The following SPOCK1 variants were observed in gnomAD, a reference collection of about 807,000 sequenced individuals.
The protein encoded by SPOCK1 is testican-1.
In SPOCK1, 23 loss-of-function variants were observed where a neutral mutation model predicts 55.3. The ratio of observed to expected loss-of-function variants is 0.42; its 90% confidence interval spans 0.30 to 0.59. The LOEUF (loss-of-function observed/expected upper bound fraction) is 0.59, where lower values mean the gene tolerates loss of function less well. SPOCK1 is among the 20% of genes least tolerant of loss of function. SPOCK1 has a pLI of 0.22. For synonymous variants in SPOCK1, 226 were observed against 221.0 expected (o/e 1.02, Z -0.20); for missense variants, 499 against 552.5 (o/e 0.90, Z 0.97).
intron 5 of SPOCK1, among the ~76,000 whole-genome samples, chr5:137,099,793 C>G (rs533115790): frequency 1.4e-3 from 213 of 152,198 alleles, no homozygotes; most frequent in Non-Finnish European, 2.6e-3. Flanking sequence ...ATCCAGTCAA[C>G]GGAAAGGAGC....
rs1178977471 is a variant in SPOCK1, at chr5:137,498,359, G to T, written c.186+14C>A. The T allele has an allele frequency of 2.5e-6, 4 of 1,572,650 alleles. No individual in the cohort carries two copies. The highest frequency in any genetic ancestry group is 3.4e-6 in the Non-Finnish European group (4 of 1,160,168). ...GCTCCGCGCCCCCCAGGGCCGGGTGGCGCCGGTACTCACGTCTCGAAAGCG... is the reference window on the plus strand; with the variant it reads ...GCTCCGCGCCCCCCAGGGCCGGGTGTCGCCGGTACTCACGTCTCGAAAGCG... On this transcript the variant is annotated intron_variant, in intron 2 of 10. Transcript: ENST00000394945.
chr5:137,351,093 C>G (rs563560730), intron 2 of SPOCK1, among the ~76,000 whole-genome samples: 168 of 152,238 alleles, frequency 1.1e-3, no homozygotes, highest in African/African-American at 3.6e-3. Flanking sequence ...CAATCCTGAC[C>G]CACCAAGGAC....
chr5:137,143,096 G>T (rs1214730247), intron 3 of SPOCK1, among the ~76,000 whole-genome samples: 2 of 152,122 alleles, frequency 1.3e-5, no homozygotes, highest in East Asian at 3.9e-4. Flanking sequence ...GACATTTATA[G>T]ATCTCAAGAA....
intron 3 of SPOCK1, among the ~76,000 whole-genome samples, chr5:137,199,675 T>C (rs1755377380): frequency 6.6e-6 from 1 of 152,172 alleles, no homozygotes; most frequent in Admixed American, 6.5e-5. Context: ...TCTTCTCATT[T>C]TTCCAACTTC....
intron 6 of SPOCK1, among the ~76,000 whole-genome samples, chr5:137,010,186 T>C (rs1751325102): frequency 6.6e-6 from 1 of 152,192 alleles, no homozygotes; most frequent in Non-Finnish European, 1.5e-5. Context: ...ACATCTATAC[T>C]CGCCCGAGTT....
intron 6 of SPOCK1, among the ~76,000 whole-genome samples, chr5:136,998,761 C>A (rs899340100): frequency 2.0e-5 from 3 of 152,214 alleles, no homozygotes; most frequent in Non-Finnish European, 2.9e-5. Flanking sequence ...GAACAGCCTG[C>A]TGCCTGTGTC....
chr5:137,172,816 T>TA (rs1754779018), intron 3 of SPOCK1, among the ~76,000 whole-genome samples: 1 of 152,118 alleles, frequency 6.6e-6, no homozygotes. Flanking sequence ...CTGAGTGCCA[T>TA]ACTTGGGGGT....
chr5:137,192,952 G>A (rs780949059), intron 3 of SPOCK1, among the ~76,000 whole-genome samples: 5 of 152,188 alleles, frequency 3.3e-5, no homozygotes, highest in African/African-American at 4.8e-5. Context: ...AGGAGAGAAC[G>A]AGATCTGGGA....
At chr5:137,135,864 C>T (rs1262289753) in intron 4 of SPOCK1, among the ~76,000 whole-genome samples, 1 of 152,172 alleles carries the variant, frequency 6.6e-6, no homozygotes, top group Non-Finnish European at 1.5e-5. Context: ...ATGAGATAGA[C>T]CACAATCTGT....
Position 137,140,613 on chromosome 5 carries a change from G to A in SPOCK1, c.314C>T (p.Ala105Val). The A allele has an allele frequency of 6.2e-7, 1 of 1,613,954 alleles. No individual in the cohort carries two copies. Among genetic ancestry groups the A allele is most frequent in the Non-Finnish European group, 8.5e-7 (1 of 1,179,962 alleles). ...CAGGTGCTTGCGGCTGACACACAGG[G>A]CGGTCTGGTAGTCCTGGGTCACACA... is the stretch of plus-strand genomic sequence containing the variant. ...KVCVTQDYQT[A>V]LCVSRKHLLP... The change falls in exon 4 of 11, where the codon GCC becomes GTC. Residue 105 changes from alanine to valine, a missense_variant. Physicochemically the swap from Ala to Val is moderately conservative, Grantham distance 64. This residue lies in a region of SPOCK1 where 386 missense variants were observed against 400.6 expected (regional missense o/e 0.96). Coordinates refer to ENST00000394945, the MANE Select transcript of SPOCK1 (RefSeq NM_004598.4).
intron 2 of SPOCK1, among the ~76,000 whole-genome samples, chr5:137,480,885 AG>A (rs1753937299): frequency 6.6e-6 from 1 of 152,190 alleles, no homozygotes; most frequent in Non-Finnish European, 1.5e-5. Context: ...CAAAAGAATG[AG>A]GAGAGGGAAG....
chr5:137,037,718 A>T (rs530541392), intron 6 of SPOCK1, among the ~76,000 whole-genome samples: 2 of 152,172 alleles, frequency 1.3e-5, no homozygotes, highest in East Asian at 1.9e-4. Context: ...CCTAAAAAAA[A>T]GTTTCCTGAT....
rs373984584 is a variant in SPOCK1 at position 137,296,977 on chromosome 5, GGACA to G, written c.187-29926_187-29923del. ...TTTTAGCTGGAGTGCACCTCAAGAA[GGACA>G]GACAAGAGTATCTATGTGTGTATAT... On this transcript the variant is annotated intron_variant, in intron 2 of 10. Coordinates refer to ENST00000394945, the MANE Select transcript of SPOCK1 (RefSeq NM_004598.4). Among the ~76,000 whole-genome samples the G allele has an allele frequency of 4.6e-5, 7 of 152,158 alleles. No homozygotes were observed. In the East Asian group the frequency reaches 9.7e-4, roughly 21 times the overall value.
chr5:137,496,657 A>G lies in SPOCK1; in HGVS notation c.186+1716T>C, dbSNP rs186070515. Among the ~76,000 whole-genome samples the G allele has an allele frequency of 4.3e-3, 658 of 152,240 alleles. 5 individuals carry two copies. Among genetic ancestry groups the G allele is most frequent in the Admixed American group, 6.0e-3 (91 of 15,290 alleles). ...AAAAACAAAACAAAACAAAAAGCAAAATTATCTCTGCCCCAGGTGAATCCT... is the reference window on the plus strand; with the variant it reads ...AAAAACAAAACAAAACAAAAAGCAAGATTATCTCTGCCCCAGGTGAATCCT... On this transcript the variant is annotated intron_variant, in intron 2 of 10. Transcript: ENST00000394945.
At chr5:137,495,719 T>C (rs946408405) in intron 2 of SPOCK1, among the ~76,000 whole-genome samples, 1 of 152,232 alleles carries the variant, frequency 6.6e-6, no homozygotes, top group Non-Finnish European at 1.5e-5. Context: ...CACTGAATAG[T>C]AGGTTTCTGT....
intron 3 of SPOCK1, among the ~76,000 whole-genome samples, chr5:137,259,007 T>C (rs560090634): frequency 1.6e-4 from 25 of 152,108 alleles, no homozygotes; most frequent in Non-Finnish European, 3.4e-4. Context: ...ACACAGTTCC[T>C]GACAGAACTG....
intron 2 of SPOCK1, among the ~76,000 whole-genome samples, chr5:137,469,210 T>C (rs377179429): frequency 1.3e-5 from 2 of 152,326 alleles, no homozygotes; most frequent in South Asian, 4.1e-4. Flanking sequence ...GAGAAAGCTG[T>C]GGGCTTGATA....
chr5:137,030,450 C>T (rs1018485440), intron 6 of SPOCK1, among the ~76,000 whole-genome samples: 1 of 152,154 alleles, frequency 6.6e-6, no homozygotes, highest in Non-Finnish European at 1.5e-5. Context: ...TGGCAATTTA[C>T]AAAGGAAGGA....
intron 5 of SPOCK1, among the ~76,000 whole-genome samples, chr5:137,076,747 T>C (rs1752772891): frequency 6.6e-6 from 1 of 152,184 alleles, no homozygotes; most frequent in Admixed American, 6.5e-5. Context: ...CTGTGTCTTA[T>C]ACATTTTTTG....
Sources: gnomAD v4.1 joint callset for allele counts (sites outside exome capture counted in the v4.1 genomes callset) on GRCh38, gnomAD v4.1.1 for gene constraint, gnomAD v4.1.1 regional missense constraint, MANE v1.5 for transcripts, NCBI Gene and HGNC (gene_info 2026-07-23, HGNC 2026-07-21) for gene names.